Variants in CHN2 observed in about 807,000 individuals in gnomAD.
CHN2 encodes chimerin 2, also known as beta-chimaerin.
A neutral mutation model predicts 56.3 loss-of-function variants in CHN2; 35 were observed. That is an observed-to-expected ratio of 0.62 (90% confidence interval 0.47 to 0.82). The LOEUF is 0.82. Among genes scored for constraint, CHN2 ranks in the 40% least tolerant of loss-of-function variants. CHN2 has a pLI of 0.00. For missense variants in CHN2, 491 were observed against 580.5 expected, an observed-to-expected ratio of 0.85 and a Z score of 1.58; for synonymous variants, 210 against 212.8, an observed-to-expected ratio of 0.99 and a Z score of 0.12.
In CHN2 at chr7:29,482,797, C is replaced by CTTTTTTT. The variant is rs375120538; in HGVS notation, c.654+2477_654+2483dup. On this transcript the variant is annotated intron_variant, in intron 7 of 12. Coordinates refer to ENST00000222792, the MANE Select transcript of CHN2 (RefSeq NM_004067.4). ...TGCTAGGTGCTGTCTGCACTTTTTT[C>CTTTTTTT]TTTTTTTTTTTTTTTTTTTTTTTTT... Among the ~76,000 whole-genome samples the CTTTTTTT allele has an allele frequency of 5.2e-3, 332 of 64,184 alleles. 60 individuals are homozygous for CTTTTTTT. Among genetic ancestry groups the CTTTTTTT allele is most frequent in the Middle Eastern group, 0.014 (1 of 74 alleles). 42.1% of individuals were successfully genotyped at this position (64,184 alleles called of 152,430 possible).
chr7:29,174,138 C>G (rs546212199), intron 2 of CHN2, among the ~76,000 whole-genome samples: 54 of 152,068 alleles, frequency 3.6e-4, no homozygotes, highest in African/African-American at 1.2e-3. Context: ...AGAGACCCCC[C>G]CGTTTGGTGG....
At chr7:29,210,388 A>G (rs1408071456) in intron 1 of CHN2, among the ~76,000 whole-genome samples, 3 of 151,960 alleles carry the variant, frequency 2.0e-5, no homozygotes, top group African/African-American at 4.8e-5. Flanking sequence ...GACCTACACT[A>G]TGAAACCCAG....
chr7:29,507,992 A>G (rs1790796188), intron 11 of CHN2, among the ~76,000 whole-genome samples: 2 of 152,162 alleles, frequency 1.3e-5, no homozygotes, highest in African/African-American at 4.8e-5. Flanking sequence ...TAAAGTCACA[A>G]GCAAGTTTTG....
chr7:29,281,312 C>A (rs544386246), intron 1 of CHN2, among the ~76,000 whole-genome samples: 88 of 152,234 alleles, frequency 5.8e-4, no homozygotes, highest in Admixed American at 1.0e-3. Flanking sequence ...ATTCACTATT[C>A]TGTGCCTTGC....
chr7:29,472,281 A>ACACACGCACACACACACG (rs1786136128), intron 6 of CHN2, among the ~76,000 whole-genome samples: 1 of 143,502 alleles, frequency 7.0e-6, no homozygotes. Flanking sequence ...ATACACACAC[A>ACACACGCACACACACACG]CACACACACA....
intron 7 of CHN2, 135 bp downstream of exon 7, chr7:29,480,491 C>T: frequency 1.1e-6 from 1 of 925,694 alleles, no homozygotes; most frequent in South Asian, 1.7e-5. Flanking sequence ...TAGCTATAAG[C>T]TTAACACCTG....
intron 6 of CHN2, among the ~76,000 whole-genome samples, chr7:29,461,948 G>A (rs1433409997): frequency 2.6e-5 from 4 of 152,096 alleles, no homozygotes; most frequent in Non-Finnish European, 4.4e-5. Context: ...GTATATTTCT[G>A]TCATAAAAAA....
At chr7:29,223,777 T>C (rs1158797119) in intron 1 of CHN2, among the ~76,000 whole-genome samples, 1 of 152,156 alleles carries the variant, frequency 6.6e-6, no homozygotes, top group Non-Finnish European at 1.5e-5. Context: ...TATATACACA[T>C]GGAATTGCTA....
At chr7:29,473,498 G>GTA (rs1562635773) in intron 6 of CHN2, among the ~76,000 whole-genome samples, 11 of 137,094 alleles carry the variant, frequency 8.0e-5, no homozygotes, top group Non-Finnish European at 1.4e-4. Flanking sequence ...GTGTGTGTGT[G>GTA]TGTGTGTGTT....
At chr7:29,218,154 C>T (rs947296346) in intron 1 of CHN2, among the ~76,000 whole-genome samples, 2 of 152,104 alleles carry the variant, frequency 1.3e-5, no homozygotes, top group Non-Finnish European at 2.9e-5. Context: ...ATGTTAGTCT[C>T]ATTAGGGATT....
intron 1 of CHN2, among the ~76,000 whole-genome samples, chr7:29,300,318 G>T (rs1446094825): frequency 6.6e-6 from 1 of 151,910 alleles, no homozygotes; most frequent in Non-Finnish European, 1.5e-5. Context: ...TGAGGGTGAG[G>T]CAAGAAAGAC....
chr7:29,247,320 G>A (rs1788152070), intron 1 of CHN2, among the ~76,000 whole-genome samples: 1 of 152,178 alleles, frequency 6.6e-6, no homozygotes, highest in South Asian at 2.1e-4. Flanking sequence ...AGTGACCCAA[G>A]GTTGCCAGAA....
chr7:29,218,946 A>T (rs1459216969), intron 1 of CHN2, among the ~76,000 whole-genome samples: 2 of 151,506 alleles, frequency 1.3e-5, no homozygotes, highest in African/African-American at 4.9e-5. Flanking sequence ...TAGAACTTAA[A>T]GTATAATAAT....
intron 1 of CHN2, among the ~76,000 whole-genome samples, chr7:29,228,076 C>G (rs2128798300): frequency 1.3e-5 from 2 of 151,594 alleles, no homozygotes; most frequent in Middle Eastern, 3.4e-3. Flanking sequence ...CCTTAAAATC[C>G]AGATATCTAC....
intron 3 of CHN2, among the ~76,000 whole-genome samples, chr7:29,386,073 T>C (rs541227509): frequency 1.1e-4 from 17 of 152,196 alleles, no homozygotes; most frequent in Non-Finnish European, 2.1e-4. Flanking sequence ...AGTGCCCTAT[T>C]CGATTTCCAG....
intron 2 of CHN2, among the ~76,000 whole-genome samples, chr7:29,173,496 A>T (rs1385079864): frequency 6.6e-6 from 1 of 152,144 alleles, no homozygotes; most frequent in African/African-American, 2.4e-5. Flanking sequence ...GTACAATATT[A>T]TAACTTTCTT....
chr7:29,224,829 A>G (rs1016693149), intron 1 of CHN2, among the ~76,000 whole-genome samples: 3 of 152,244 alleles, frequency 2.0e-5, no homozygotes, highest in African/African-American at 7.2e-5. Flanking sequence ...GCCTTATGCC[A>G]TAAACAGAGC....
intron 1 of CHN2, chr7:29,332,950 A>G (rs1428221308): frequency 1.3e-5 from 2 of 152,086 alleles, no homozygotes; most frequent in Non-Finnish European, 2.9e-5. Flanking sequence ...GTCTAGGAAG[A>G]TGTCCTCTCT....
chr7:29,262,273 C>T (rs1281310708), intron 1 of CHN2, among the ~76,000 whole-genome samples: 1 of 152,346 alleles, frequency 6.6e-6, no homozygotes, highest in Middle Eastern at 3.4e-3. Flanking sequence ...AGGAAAACTT[C>T]AGGTATTTGG....
Sources: gnomAD v4.1 joint callset for allele counts (sites outside exome capture counted in the v4.1 genomes callset) on GRCh38, gnomAD v4.1.1 for gene constraint, MANE v1.5 for transcripts, NCBI Gene and HGNC (gene_info 2026-07-23, HGNC 2026-07-21) for gene names.